Variants in RIF1 observed in about 807,000 individuals in gnomAD.
RIF1 encodes the protein telomere-associated protein RIF1.
Under a neutral mutation model 247.1 loss-of-function variants are expected in RIF1, and 45 were observed. That is an observed-to-expected ratio of 0.18 (90% CI 0.14 to 0.23). The LOEUF is 0.23. Ranked by LOEUF, RIF1 falls within the 10% of genes least tolerant of loss-of-function variation. RIF1 has a pLI of 1.00. For synonymous variants in RIF1, 1,087 were observed against 978.8 expected (o/e 1.11, Z -2.06); for missense variants, 2,967 against 2,862.5 (o/e 1.04, Z -0.83).
intron 10 of RIF1, chr2:151,496,204 T>G: frequency 7.2e-7 from 1 of 1,390,602 alleles, no homozygotes; most frequent in Non-Finnish European, 1.0e-6. Flanking sequence ...GTAGGATTAA[T>G]ATGTATTATT....
rs778046748 is a variant in RIF1, at chr2:151,462,261, T to A, written c.3247T>A (p.Tyr1083Asn). 16 of 1,586,084 alleles carry A rather than the reference T, an allele frequency of 1.0e-5. No homozygotes were observed. Among genetic ancestry groups the A allele is most frequent in the Middle Eastern group, 3.4e-4 (2 of 5,876 alleles). The change falls in exon 28 of 36, where the codon TAT (tyrosine) becomes AAT (asparagine). Residue 1083 changes from tyrosine (Y) to asparagine (N), a missense_variant. Coordinates refer to ENST00000444746, the MANE Select transcript of RIF1 (RefSeq NM_018151.5). ...TTTCAGGTGTGATATTCCTGCCATG[T>A]ATAATAATCTGGATGTTTCCCAAGA... is the stretch of plus-strand genomic sequence containing the variant. The part of the protein sequence containing the change: ...KTKRCDIPAM[Y>N]NNLDVSQDTL...
chr2:151,480,229 T>A lies in RIF1; in HGVS notation c.*5158T>A, dbSNP rs2049111621. ...TATTTTCCATTGTTGATGTCACAAG[T>A]AAGAAAAAAACTCTAACTTTTGTAC... On this transcript the variant is annotated 3_prime_UTR_variant, in exon 36 of 36. Coordinates refer to ENST00000444746, the MANE Select transcript of RIF1 (RefSeq NM_018151.5). 6.6e-6 allele frequency: 1 copy of A among 152,158 alleles called. No individual in the cohort carries two copies. Among genetic ancestry groups the A allele is most frequent in the African/African-American group, 2.4e-5 (1 of 41,448 alleles). 9.4% of individuals were successfully genotyped at this position (152,158 alleles called of 1,614,324 possible).
rs770169517 is a variant in RIF1 at position 151,505,568 on chromosome 2, C to G, written c.*862-642C>G. The G allele has an allele frequency of 3.1e-6, 5 of 1,611,208 alleles. No homozygotes were observed. In the South Asian group the frequency reaches 5.5e-5, roughly 18 times the overall value. ...CTTGTCCTATTGCTTCCTTATACTT[C>G]ACCTGCAGATTTAAAAATGGGAAAA... is the stretch of plus-strand genomic sequence containing the variant. On this transcript the variant is annotated intron_variant and NMD_transcript_variant, in intron 12 of 13. Transcript: ENST00000454583.
intron 25 of RIF1, among the ~76,000 whole-genome samples, chr2:151,459,484 T>C (rs981431063): frequency 1.3e-5 from 2 of 152,178 alleles, no homozygotes; most frequent in African/African-American, 2.4e-5. Flanking sequence ...AAGACTGTTA[T>C]AGCCAACTAA....
downstream of RIF1, among the ~76,000 whole-genome samples, chr2:151,510,030 C>A (rs909796338): frequency 2.6e-5 from 4 of 152,210 alleles, no homozygotes; most frequent in Non-Finnish European, 4.4e-5. Flanking sequence ...TGTAAGTGTT[C>A]ATTCATCTAA....
rs755548929 is a variant in RIF1, at chr2:151,464,034, A to T, written c.4514A>T (p.Lys1505Met). The T allele has an allele frequency of 2.3e-5, 37 of 1,610,292 alleles. No homozygotes were observed. The East Asian group carries it at 7.4e-4, about 32-fold the overall frequency. ...ANAETEQNKKKADPENIKSEG... is the reference protein window; with the variant it reads ...ANAETEQNKKMADPENIKSEG... ...GCAGAAACTGAACAAAATAAAAAAA[A>T]GGCAGACCCTGAGAACATTAAGTCT... Residue 1505 changes from lysine to methionine, a missense_variant, in exon 30 of 36, where the codon AAG becomes ATG. Around this residue, in one of 7 missense-constraint regions of RIF1, gnomAD observed 2,028 missense variants for 1,825.6 expected, o/e 1.11. Coordinates refer to ENST00000444746, the MANE Select transcript of RIF1 (RefSeq NM_018151.5).
chr2:151,425,660 C>CTTTTTTTTTTTTTTT (rs34032157), intron 8 of RIF1, among the ~76,000 whole-genome samples: 2 of 83,688 alleles, frequency 2.4e-5, no homozygotes, highest in African/African-American at 4.7e-5. Context: ...TTGTGGTACC[C>CTTTTTTTTTTTTTTT]TTTTTTTTTT....
chr2:151,421,213 T>C (rs1267631452), intron 7 of RIF1, among the ~76,000 whole-genome samples: 2 of 152,082 alleles, frequency 1.3e-5, no homozygotes, highest in Non-Finnish European at 2.9e-5. Flanking sequence ...GGAGAGATAA[T>C]TAAGTACATA....
At chr2:151,461,580 G>A (rs1696167919) in intron 27 of RIF1, among the ~76,000 whole-genome samples, 1 of 151,874 alleles carries the variant, frequency 6.6e-6, no homozygotes, top group African/African-American at 2.4e-5. Context: ...TTTTAGTAGA[G>A]ACGGGGTTTC....
At chr2:151,485,704 A>C, downstream of RIF1, 1 of 1,531,702 alleles carries the variant, frequency 6.5e-7, no homozygotes, top group Non-Finnish European at 8.8e-7. Context: ...GTCTAAACCG[A>C]AACATTGACT....
intron 9 of RIF1, among the ~76,000 whole-genome samples, chr2:151,487,254 CCA>C (rs2051485483): frequency 6.6e-6 from 1 of 152,150 alleles, no homozygotes; most frequent in South Asian, 2.1e-4. Context: ...AAGCTATCCT[CCA>C]CAGTGTTAAA....
At chr2:151,515,540 T>C in the RIF1 span, among the ~76,000 whole-genome samples, 2 of 152,122 alleles carry the variant, frequency 1.3e-5, no homozygotes, top group African/African-American at 4.8e-5. Context: ...AATCACTGAA[T>C]AGCTTAGGTG....
chr2:151,463,777 G>T lies in RIF1; in HGVS notation c.4257G>T (p.Arg1419Ser). 6.2e-7 allele frequency: 1 copy of T among 1,613,852 alleles called. No individual in the cohort carries two copies. Residue 1419 changes from arginine to serine, a missense_variant, in exon 30 of 36, where the codon AGG (arginine) becomes AGT (serine). Arg to Ser is a moderately radical substitution (Grantham distance 110). Coordinates refer to ENST00000444746, the MANE Select transcript of RIF1 (RefSeq NM_018151.5). ...AGAAAACCCTTAGACGGTCTTCAAG[G>T]CGACGTTCAGAAGTAGTAGAGTCTA... Reference protein sequence around the residue: ...PNQKTLRRSSRRRSEVVESTT... With the variant: ...PNQKTLRRSSSRRSEVVESTT...
chr2:151,496,155 G>T, intron 10 of RIF1: 1 of 1,159,714 alleles, frequency 8.6e-7, no homozygotes, highest in Non-Finnish European at 1.2e-6. Context: ...GGGTAAATTT[G>T]CTAAAGAAAT....
In RIF1 at chr2:151,466,026, G is replaced by A. The variant is rs1696820881; in HGVS notation, c.6506G>A (p.Cys2169Tyr). 1 of 1,614,004 alleles carries A rather than the reference G, an allele frequency of 6.2e-7. No homozygotes were observed. The highest frequency in any genetic ancestry group is 8.5e-7 in the Non-Finnish European group (1 of 1,179,910). The change falls in exon 30 of 36, where the codon TGT (cysteine) becomes TAT (tyrosine). Residue 2169 changes from cysteine (C) to tyrosine (Y), a missense_variant. Around this residue, in one of 7 missense-constraint regions of RIF1, gnomAD observed 2,028 missense variants for 1,825.6 expected, o/e 1.11. Transcript: ENST00000444746. The stretch of plus-strand genomic sequence containing the variant: ...AGTCCTAGTGGCATGCAGACACGCT[G>A]TGTCTGGTCTCCTTTGGCTTCTCCG... ...NDSPSGMQTR[C>Y]VWSPLASPST... is the part of the protein sequence containing the mutation.
At chr2:151,523,695 C>T in the RIF1 span, among the ~76,000 whole-genome samples, 1 of 152,122 alleles carries the variant, frequency 6.6e-6, no homozygotes, top group Admixed American at 6.5e-5. Flanking sequence ...TTGGGCAACA[C>T]ATTTCTGAGT....
the RIF1 span, among the ~76,000 whole-genome samples, chr2:151,533,737 A>C: frequency 6.6e-6 from 1 of 152,222 alleles, no homozygotes; most frequent in Non-Finnish European, 1.5e-5. Flanking sequence ...GCGGTTGGCC[A>C]TTCATAGTCC....
chr2:151,416,986 A>C, intron 6 of RIF1, 85 bp downstream of exon 6: 1 of 983,392 alleles, frequency 1.0e-6, no homozygotes, highest in Non-Finnish European at 1.5e-6. Context: ...TAAATGAGAG[A>C]CAGACATTAA....
intron 9 of RIF1, 28 bp from the exon 10 acceptor site, chr2:151,433,048 CT>C (rs1214647233): frequency 6.3e-7 from 1 of 1,581,854 alleles, no homozygotes; most frequent in Non-Finnish European, 8.6e-7. Context: ...TTGGACGTCT[CT>C]TTAACTGTGT....
Sources: allele counts gnomAD v4.1 joint callset (sites outside exome capture counted in the v4.1 genomes callset), GRCh38; gene constraint gnomAD v4.1.1; regional missense constraint gnomAD v4.1.1; transcripts MANE v1.5; gene names NCBI Gene and HGNC (gene_info 2026-07-23, HGNC 2026-07-21).